Variants in COPS8 observed in about 807,000 individuals in gnomAD.
COPS8 encodes the protein COP9 signalosome subunit 8.
Under a neutral mutation model 31.5 loss-of-function variants are expected in COPS8, and 11 were observed. The observed-to-expected ratio is 0.35, with a 90% CI of 0.22 to 0.58. The LOEUF (loss-of-function observed/expected upper bound fraction) is 0.58. Among genes scored for constraint, COPS8 ranks in the 20% least tolerant of loss-of-function variants. The pLI is 0.83. For missense variants in COPS8, 215 were observed against 255.1 expected, an observed-to-expected ratio of 0.84 and a Z score of 1.07; for synonymous variants, 81 against 89.3, an observed-to-expected ratio of 0.91 and a Z score of 0.52.
At chr2:237,087,024 A>C (rs1574835171) in intron 1 of COPS8, 103 bp from the exon 2 acceptor site, 1 of 724,676 alleles carries the variant, frequency 1.4e-6, no homozygotes, top group East Asian at 2.8e-5. Context: ...TACTTTTAAA[A>C]TTAGCATTTA....
intron 2 of COPS8, among the ~76,000 whole-genome samples, chr2:237,087,972 C>A (rs1252397758): frequency 6.8e-6 from 1 of 147,896 alleles, no homozygotes; most frequent in Admixed American, 6.7e-5. Flanking sequence ...AAAAAAAAGT[C>A]TCCTATAGTT....
chr2:237,086,130 C>G (rs776050828), intron 1 of COPS8, 88 bp downstream of exon 1: 4 of 1,288,324 alleles, frequency 3.1e-6, no homozygotes, highest in Non-Finnish European at 4.4e-6. Flanking sequence ...GGGTCTGAGG[C>G]TAGCGGGCTT....
At chr2:237,097,428 A>G (rs1019279730) in intron 7 of COPS8, among the ~76,000 whole-genome samples, 3 of 152,128 alleles carry the variant, frequency 2.0e-5, no homozygotes, top group Non-Finnish European at 2.9e-5. Flanking sequence ...ACAACATGAG[A>G]CATGCCTTTA....
chr2:237,094,231 A>G (rs1696755474), intron 5 of COPS8, 34 bp downstream of exon 5: 1 of 1,591,406 alleles, frequency 6.3e-7, no homozygotes, highest in East Asian at 2.2e-5. Context: ...TATAAGGAAA[A>G]TGGAAAATAG....
intron 4 of COPS8, chr2:237,093,541 G>T (rs1696743956): frequency 6.5e-6 from 2 of 307,382 alleles, no homozygotes; most frequent in Non-Finnish European, 9.5e-6. Flanking sequence ...TTGTTTGGCA[G>T]TCCCTTCTTA....
intron 5 of COPS8, among the ~76,000 whole-genome samples, chr2:237,095,346 C>T (rs1263872673): frequency 6.6e-6 from 1 of 152,128 alleles, no homozygotes; most frequent in Admixed American, 6.5e-5. Flanking sequence ...ACCTGTCAAA[C>T]GATGGCCCTA....
chr2:237,097,831 T>C lies in COPS8; in HGVS notation c.*89T>C. Reference sequence around the variant, plus strand: ...AAGTTTGTATTTTCAATTTATTGGATGGCTTAAGCACCTCAGCATTCCTTA... The same window carrying C: ...AAGTTTGTATTTTCAATTTATTGGACGGCTTAAGCACCTCAGCATTCCTTA... On this transcript the variant is annotated 3_prime_UTR_variant, in exon 8 of 8. Coordinates refer to ENST00000354371, the MANE Select transcript of COPS8 (RefSeq NM_006710.5). The C allele has an allele frequency of 3.3e-6, 3 of 907,056 alleles. No individual in the cohort carries two copies. The highest frequency in any genetic ancestry group is 2.6e-5 in the East Asian group (1 of 38,762). 56.2% of individuals were successfully genotyped at this position (907,056 alleles called of 1,614,324 possible).
Position 237,097,681 on chromosome 2 carries a change from C to T in COPS8, c.569C>T (p.Pro190Leu), listed in dbSNP as rs1696829963. ...IPLSEPAPVPPIPNEQQLARL... is the reference protein window; with the variant it reads ...IPLSEPAPVPLIPNEQQLARL... ...CATACAGAGCCTGCTCCAGTTCCCC[C>T]AATACCCAATGAACAGCAGTTAGCC... Residue 190 changes from proline (P) to leucine (L), a missense_variant, in exon 8 of 8, where the codon CCA (proline) becomes CTA (leucine). By Grantham distance (98) the Pro-to-Leu change is moderately conservative. Transcript: ENST00000354371. The T allele has an allele frequency of 1.2e-6, 2 of 1,613,080 alleles. No homozygotes were observed. Among genetic ancestry groups the T allele is most frequent in the Non-Finnish European group, 1.7e-6 (2 of 1,179,282 alleles).
rs113244938 is a variant in COPS8, at chr2:237,089,490, G to A, written c.199-372G>A. On this transcript the variant is annotated intron_variant, in intron 3 of 7. Coordinates refer to ENST00000354371, the MANE Select transcript of COPS8 (RefSeq NM_006710.5). ...TGTTAACCATTTTGCTATTACTTTT[G>A]ACCTAAATATATATTCATAATATAT... Among the ~76,000 whole-genome samples, 1,321 of 152,108 alleles carry A rather than the reference G, an allele frequency of 8.7e-3. 19 individuals are homozygous for A. Among genetic ancestry groups the A allele is most frequent in the African/African-American group, 0.03 (1,232 of 41,510 alleles).
intron 5 of COPS8, among the ~76,000 whole-genome samples, chr2:237,095,059 C>T (rs369471424): frequency 5.9e-5 from 9 of 152,292 alleles, no homozygotes; most frequent in African/African-American, 2.2e-4. Flanking sequence ...CACCATCACG[C>T]ACTACATCCT....
chr2:237,096,771 C>T (rs772247035), intron 6 of COPS8, 51 bp from the exon 7 acceptor site: 1 of 1,426,002 alleles, frequency 7.0e-7, no homozygotes, highest in African/African-American at 1.4e-5. Flanking sequence ...TATGAAAGAT[C>T]TTTACAATGA....
At chr2:237,095,779 G>A (rs1474534432) in intron 5 of COPS8, 43 bp from the exon 6 acceptor site, 3 of 1,373,222 alleles carry the variant, frequency 2.2e-6, no homozygotes, top group Non-Finnish European at 2.1e-6. Flanking sequence ...TTTGTGGGGT[G>A]TTTTATTCTT....
In COPS8 at chr2:237,099,783, C is replaced by G. The variant is rs1696865043; in HGVS notation, c.*2041C>G. The G allele has an allele frequency of 1.3e-5, 2 of 152,066 alleles. No individual in the cohort carries two copies. The highest frequency in any genetic ancestry group is 1.3e-4 in the Admixed American group (2 of 15,262). 9.4% of individuals were successfully genotyped at this position (152,066 alleles called of 1,614,324 possible). On this transcript the variant is annotated 3_prime_UTR_variant, in exon 8 of 8. Transcript: ENST00000354371. ...TGCAAAACAGCTAATAGTTCCAGGG[C>G]AGTAAGTGTACAAGTTCATATCTGG... is the stretch of plus-strand genomic sequence containing the variant.
chr2:237,096,073 T>C (rs1389103860), intron 6 of COPS8, among the ~76,000 whole-genome samples, 189 bp downstream of exon 6: 2 of 152,238 alleles, frequency 1.3e-5, no homozygotes, highest in Non-Finnish European at 2.9e-5. Flanking sequence ...TAAAAATGTA[T>C]TTCCTGTATA....
chr2:237,092,179 T>C (rs1574837480), intron 4 of COPS8, among the ~76,000 whole-genome samples: 1 of 152,358 alleles, frequency 6.6e-6, no homozygotes, highest in East Asian at 1.9e-4. Context: ...TGGCTCAATT[T>C]ATTCCACCTT....
intron 5 of COPS8, 69 bp from the exon 6 acceptor site, chr2:237,095,753 T>G: frequency 9.7e-7 from 1 of 1,032,082 alleles, no homozygotes; most frequent in Non-Finnish European, 1.5e-6. Flanking sequence ...ACTAATGTCA[T>G]GGACAAGTTG....
chr2:237,092,563 A>G (rs1351708172), intron 4 of COPS8, among the ~76,000 whole-genome samples: 1 of 152,224 alleles, frequency 6.6e-6, no homozygotes, highest in Non-Finnish European at 1.5e-5. Context: ...AAAAAAGTAT[A>G]CTTTCCATTG....
intron 5 of COPS8, among the ~76,000 whole-genome samples, chr2:237,095,309 T>A (rs141739985): frequency 1.6e-3 from 237 of 152,270 alleles, no homozygotes; most frequent in Non-Finnish European, 2.5e-3. Flanking sequence ...ACAAATCACT[T>A]GAATTTCCCT....
chr2:237,087,021 A>T (rs1696629217), intron 1 of COPS8, 106 bp from the exon 2 acceptor site: 1 of 717,872 alleles, frequency 1.4e-6, no homozygotes, highest in South Asian at 2.3e-5. Flanking sequence ...GCTTACTTTT[A>T]AAATTAGCAT....
Sources: gnomAD v4.1 joint callset for allele counts (sites outside exome capture counted in the v4.1 genomes callset) on GRCh38, gnomAD v4.1.1 for gene constraint, MANE v1.5 for transcripts, NCBI Gene and HGNC (gene_info 2026-07-23, HGNC 2026-07-21) for gene names.